NRDC: variants seen among roughly 807,000 people sequenced by gnomAD.
The protein encoded by NRDC is nardilysin.
In NRDC, 54 loss-of-function variants were observed where a neutral mutation model predicts 147.1. That is an observed-to-expected ratio of 0.37 (90% confidence interval 0.29 to 0.46). NRDC has a LOEUF of 0.46. NRDC is among the 20% of genes least tolerant of loss of function. NRDC has a pLI of 1.00. For synonymous variants in NRDC, 440 were observed against 482.1 expected, an observed-to-expected ratio of 0.91 and a Z score of 1.14; for missense variants, 1,082 against 1,370.6, an observed-to-expected ratio of 0.79 and a Z score of 3.33.
rs995476081 is a variant in NRDC at position 51,814,378 on chromosome 1, G to A, written c.1619+173C>T. The stretch of plus-strand genomic sequence containing the variant: ...AAGGGACTGCCCACATATGTGTAAA[G>A]CCTTAGTATACAATCACATGTAGAG... On this transcript the variant is annotated intron_variant, in intron 13 of 30. Coordinates refer to ENST00000352171, the MANE Select transcript of NRDC (RefSeq NM_001101662.2). The A allele has an allele frequency of 1.8e-5, 11 of 621,432 alleles. No individual in the cohort carries two copies. The African/African-American group carries it at 2.0e-4, about 11-fold the overall frequency. 38.5% of individuals were successfully genotyped at this position (621,432 alleles called of 1,614,324 possible). A position where few individuals can be genotyped will look rare whatever the true frequency, so the allele number is the denominator to read the frequency against.
At chr1:51,834,938 G>C (rs1379400773) in intron 3 of NRDC, among the ~76,000 whole-genome samples, 1 of 151,642 alleles carries the variant, frequency 6.6e-6, no homozygotes, top group Non-Finnish European at 1.5e-5. Flanking sequence ...AATTCACAAA[G>C]TAAGAAGTAT....
At chr1:51,833,484 T>A (rs1262838348) in intron 4 of NRDC, among the ~76,000 whole-genome samples, 1 of 149,526 alleles carries the variant, frequency 6.7e-6, no homozygotes, top group African/African-American at 2.5e-5. Flanking sequence ...AGAGAATACA[T>A]AATTAATAAA....
At chr1:51,791,483 T>G (rs1678651725) in intron 27 of NRDC, 95 bp downstream of exon 27, 3 of 961,996 alleles carry the variant, frequency 3.1e-6, no homozygotes, top group Non-Finnish European at 5.0e-6. Context: ...GCAAACCTGC[T>G]TGGTCAGGGT....
Position 51,795,368 on chromosome 1 carries a change from CTG to C in NRDC, c.2605-516_2605-515del, listed in dbSNP as rs751058983. 5 of 399,316 alleles carry C rather than the reference CTG, an allele frequency of 1.3e-5. No individual in the cohort carries two copies. The East Asian group carries it at 3.0e-4, about 24-fold the overall frequency. 24.7% of individuals were successfully genotyped at this position (399,316 alleles called of 1,614,324 possible). On this transcript the variant is annotated intron_variant, in intron 22 of 30. Transcript: ENST00000352171. Reference sequence around the variant, plus strand: ...GAGGAAATTCATGGTACTAAGGACTCTGTATCAAAAGCCCTTGCCTGGTACTT... The same window carrying C: ...GAGGAAATTCATGGTACTAAGGACTCTATCAAAAGCCCTTGCCTGGTACTT...
intron 1 of NRDC, among the ~76,000 whole-genome samples, chr1:51,875,228 C>A (rs759741952): frequency 6.6e-5 from 10 of 152,190 alleles, no homozygotes; most frequent in Admixed American, 6.5e-4. Flanking sequence ...CTAATAACAT[C>A]TTTTCTTCAA....
chr1:51,850,210 T>C (rs560395916), intron 1 of NRDC, among the ~76,000 whole-genome samples: 9 of 151,888 alleles, frequency 5.9e-5, no homozygotes, highest in Admixed American at 3.3e-4. Flanking sequence ...TAAATAAAAA[T>C]ACAGACTTTT....
chr1:51,791,431 T>C (rs900525446), intron 27 of NRDC, 147 bp downstream of exon 27: 1 of 678,774 alleles, frequency 1.5e-6, no homozygotes, highest in Non-Finnish European at 2.7e-6. Context: ...ACAGACCATC[T>C]ATAACAACCC....
intron 14 of NRDC, among the ~76,000 whole-genome samples, chr1:51,813,148 G>A (rs946573745): frequency 1.9e-4 from 29 of 152,132 alleles, no homozygotes; most frequent in African/African-American, 7.0e-4. Context: ...GTGACTGTCA[G>A]ATAAAAGTCT....
intron 1 of NRDC, among the ~76,000 whole-genome samples, chr1:51,849,938 G>A (rs1209151347): frequency 1.3e-5 from 2 of 152,126 alleles, no homozygotes; most frequent in Non-Finnish European, 2.9e-5. Flanking sequence ...CAGCACTTTG[G>A]GAGGCTAAGG....
At chr1:51,796,851 GCTGGGATTACAGGCGTGAGCCACCGCGC>G (rs1468931453) in intron 22 of NRDC, among the ~76,000 whole-genome samples, 2 of 149,576 alleles carry the variant, frequency 1.3e-5, no homozygotes, top group Non-Finnish European at 3.0e-5. Flanking sequence ...CTCCCAAAGT[GCTGGGATTACAGGCGTGAGCCACCGCGC>G]CTGGCCAATC....
At chr1:51,824,122 CT>C (rs11341489) in intron 6 of NRDC, among the ~76,000 whole-genome samples, 5,721 of 131,990 alleles carry the variant, frequency 0.043, 237 homozygotes, top group African/African-American at 0.12. Flanking sequence ...TTGCCTAATT[CT>C]TTTTTTTTTT....
intron 1 of NRDC, among the ~76,000 whole-genome samples, chr1:51,844,272 A>T (rs1302940447): frequency 6.6e-6 from 1 of 151,990 alleles, no homozygotes; most frequent in East Asian, 1.9e-4. Context: ...AAACCCTACT[A>T]CCTCAGGATG....
intron 1 of NRDC, among the ~76,000 whole-genome samples, chr1:51,844,479 G>T (rs1335866516): frequency 6.6e-6 from 1 of 151,978 alleles, no homozygotes; most frequent in Non-Finnish European, 1.5e-5. Context: ...CCGCAAGCCA[G>T]AAAGGCCTCA....
At chr1:51,842,471 C>T (rs1270687689) in intron 1 of NRDC, among the ~76,000 whole-genome samples, 2 of 152,004 alleles carry the variant, frequency 1.3e-5, no homozygotes, top group Non-Finnish European at 2.9e-5. Context: ...GGGCAATAAG[C>T]TCAATTATGT....
chr1:51,861,075 G>C (rs1008858901), intron 1 of NRDC, among the ~76,000 whole-genome samples: 2 of 149,952 alleles, frequency 1.3e-5, no homozygotes, highest in African/African-American at 4.9e-5. Flanking sequence ...TCAGCCTCCC[G>C]AGTAGCTGGG....
chr1:51,844,345 T>C (rs1681425920), intron 1 of NRDC, among the ~76,000 whole-genome samples: 1 of 152,018 alleles, frequency 6.6e-6, no homozygotes, highest in Non-Finnish European at 1.5e-5. Context: ...GCCTCTAAAG[T>C]AGGTCTGAAT....
chr1:51,794,463 C>T lies in NRDC; in HGVS notation c.2775+9G>A. 6.2e-7 allele frequency: 1 copy of T among 1,613,452 alleles called. No individual in the cohort carries two copies. The highest frequency in any genetic ancestry group is 8.5e-7 in the Non-Finnish European group (1 of 1,179,468). On this transcript the variant is annotated intron_variant, in intron 24 of 30. Coordinates refer to ENST00000352171, the MANE Select transcript of NRDC (RefSeq NM_001101662.2). ...GGCCTTCCGCCAGTCTTTAGTACAC[C>T]CAACTGACCTGGTAGTACACAGTGA...
intron 1 of NRDC, among the ~76,000 whole-genome samples, chr1:51,866,410 T>C (rs1682808275): frequency 6.6e-6 from 1 of 152,166 alleles, no homozygotes; most frequent in African/African-American, 2.4e-5. Context: ...ATAGGTATCA[T>C]TTCACTCATA....
At chr1:51,794,882 T>TA (rs1207217891) in intron 22 of NRDC, 28 bp from the exon 23 acceptor site, 1 of 1,613,220 alleles carries the variant, frequency 6.2e-7, no homozygotes, top group African/African-American at 1.3e-5. Context: ...ATAACTACAT[T>TA]AAGCTCTCTA....
Sources: allele counts gnomAD v4.1 joint callset (sites outside exome capture counted in the v4.1 genomes callset), GRCh38; gene constraint gnomAD v4.1.1; transcripts MANE v1.5; gene names NCBI Gene and HGNC (gene_info 2026-07-23, HGNC 2026-07-21).